The following CTIF variants were observed in gnomAD, a reference collection of about 807,000 sequenced individuals.
The protein encoded by CTIF is cap binding complex dependent translation initiation factor.
Under a neutral mutation model 66.0 loss-of-function variants are expected in CTIF, and 21 were observed. The ratio of observed to expected loss-of-function variants is 0.32; its 90% confidence interval spans 0.23 to 0.46. CTIF has a LOEUF of 0.46. CTIF is among the 20% of genes least tolerant of loss of function. The pLI, the probability that CTIF is intolerant of heterozygous loss-of-function variation, is 1.00. For missense variants in CTIF, 739 were observed against 812.7 expected, an observed-to-expected ratio of 0.91 and a Z score of 1.10; for synonymous variants, 345 against 326.4, an observed-to-expected ratio of 1.06 and a Z score of -0.62.
rs533339913 is a variant in CTIF, at chr18:48,641,888, G to C, written c.252+5203G>C. Among the ~76,000 whole-genome samples, 5 of 152,316 alleles carry C rather than the reference G, an allele frequency of 3.3e-5. No homozygotes were observed. The East Asian group carries it at 7.7e-4, about 23-fold the overall frequency. On this transcript the variant is annotated intron_variant, in intron 3 of 11. Transcript: ENST00000256413. ...CACCAACATTGACTCCGACCCAGGG[G>C]ATAACAGATGGTAGGTGGAGGAGAC...
At chr18:48,603,487 GTGGGTGGGTGGGTGGA>G (rs1365778080) in intron 1 of CTIF, among the ~76,000 whole-genome samples, 2 of 86,528 alleles carry the variant, frequency 2.3e-5, no homozygotes, top group African/African-American at 1.1e-4. Flanking sequence ...GGGTGGGTGG[GTGGGTGGGTGGGTGGA>G]TGGATGGATG....
At chr18:48,800,584 A>T (rs919735772) in intron 9 of CTIF, among the ~76,000 whole-genome samples, 8 of 152,042 alleles carry the variant, frequency 5.3e-5, no homozygotes, top group Non-Finnish European at 1.2e-4. Flanking sequence ...ACCCCATAAC[A>T]CCTGGCATGG....
chr18:48,727,233 A>G (rs1382987733), intron 7 of CTIF, among the ~76,000 whole-genome samples: 2 of 152,132 alleles, frequency 1.3e-5, no homozygotes, highest in African/African-American at 4.8e-5. Context: ...AGCCAGGCAG[A>G]TATTGGAAGT....
At chr18:48,636,547 C>T (rs1029614531) in intron 2 of CTIF, 67 bp from the exon 3 acceptor site, 77 of 1,219,590 alleles carry the variant, frequency 6.3e-5, no homozygotes, top group Non-Finnish European at 7.6e-5. Context: ...ACAACTCCTG[C>T]AGCCTGGCAG....
chr18:48,650,696 A>C (rs2091139728), intron 3 of CTIF, among the ~76,000 whole-genome samples: 1 of 152,236 alleles, frequency 6.6e-6, no homozygotes, highest in Non-Finnish European at 1.5e-5. Flanking sequence ...GTTGAAACGA[A>C]GGAAAAAATG....
intron 9 of CTIF, among the ~76,000 whole-genome samples, chr18:48,767,674 C>T (rs1283530477): frequency 6.6e-6 from 1 of 152,058 alleles, no homozygotes; most frequent in Non-Finnish European, 1.5e-5. Context: ...TGTGAAAAGA[C>T]AACACAAAAT....
At chr18:48,559,254 T>C (rs2089095090) in intron 1 of CTIF, among the ~76,000 whole-genome samples, 1 of 152,150 alleles carries the variant, frequency 6.6e-6, no homozygotes, top group Non-Finnish European at 1.5e-5. Flanking sequence ...TGGCCCTACC[T>C]TCAGACCATC....
At chr18:48,653,046 G>A (rs1424727903) in intron 3 of CTIF, among the ~76,000 whole-genome samples, 1 of 152,156 alleles carries the variant, frequency 6.6e-6, no homozygotes, top group Non-Finnish European at 1.5e-5. Context: ...AAAACTGGAA[G>A]CATTCCCTTT....
intron 1 of CTIF, among the ~76,000 whole-genome samples, chr18:48,560,561 A>T (rs1302061512): frequency 1.3e-5 from 2 of 151,242 alleles, no homozygotes; most frequent in African/African-American, 4.9e-5. Context: ...GGTCTCACAA[A>T]AAGGAATATC....
intron 1 of CTIF, among the ~76,000 whole-genome samples, chr18:48,568,704 G>T (rs1237884052): frequency 7.0e-6 from 1 of 143,236 alleles, no homozygotes; most frequent in African/African-American, 2.5e-5. Context: ...CATGTCTGGG[G>T]AGGCCTCACA....
chr18:48,704,337 A>G (rs1189114362), intron 6 of CTIF, among the ~76,000 whole-genome samples: 5 of 152,176 alleles, frequency 3.3e-5, no homozygotes, highest in African/African-American at 1.2e-4. Flanking sequence ...ATACAGTGGA[A>G]TTACCTGGTG....
intron 3 of CTIF, among the ~76,000 whole-genome samples, chr18:48,652,301 T>C (rs1334155780): frequency 6.6e-6 from 1 of 152,144 alleles, no homozygotes; most frequent in Non-Finnish European, 1.5e-5. Flanking sequence ...ATAAAGGGGA[T>C]ATCACCACTG....
At position 48,560,521 on chromosome 18, in the gene CTIF, G is replaced by A. The variant is rs183676137; in HGVS notation, c.-29+21209G>A. Reference sequence around the variant, plus strand: ...ATTACAGGCGTGAGCCACCACGCCCGGCTTGGAGGCTGTTTTAACCATAAC... The same window carrying A: ...ATTACAGGCGTGAGCCACCACGCCCAGCTTGGAGGCTGTTTTAACCATAAC... On this transcript the variant is annotated intron_variant, in intron 1 of 11. Transcript: ENST00000256413. Among the ~76,000 whole-genome samples the A allele has an allele frequency of 4.6e-3, 700 of 151,616 alleles. 5 individuals carry two copies. The highest frequency in any genetic ancestry group is 8.1e-3 in the Non-Finnish European group (550 of 67,904).
rs1348106543 is a variant in CTIF, at chr18:48,861,930, G to T, written c.*2371G>T. ...CACGGTGGCTCCAGACATACTGTTT[G>T]CCTAGTTTATTCCACTGCTTGAAAG... is the stretch of plus-strand genomic sequence containing the variant. On this transcript the variant is annotated 3_prime_UTR_variant, in exon 12 of 12. Coordinates refer to ENST00000256413, the MANE Select transcript of CTIF (RefSeq NM_014772.3). 2.0e-5 allele frequency: 3 copies of T among 152,118 alleles called. No individual in the cohort carries two copies. Among genetic ancestry groups the T allele is most frequent in the Non-Finnish European group, 4.4e-5 (3 of 68,020 alleles). 9.4% of individuals were successfully genotyped at this position (152,118 alleles called of 1,614,324 possible).
At chr18:48,786,935 A>G (rs1599042058) in intron 9 of CTIF, among the ~76,000 whole-genome samples, 1 of 149,812 alleles carries the variant, frequency 6.7e-6, no homozygotes, top group East Asian at 2.0e-4. Flanking sequence ...GGAGCTCCTC[A>G]CCCCACCATG....
chr18:48,547,996 T>C (rs2088794701), intron 1 of CTIF, among the ~76,000 whole-genome samples: 1 of 152,198 alleles, frequency 6.6e-6, no homozygotes, highest in Admixed American at 6.5e-5. Flanking sequence ...TGGAATTTAT[T>C]GAGTGCAGGG....
intron 3 of CTIF, among the ~76,000 whole-genome samples, chr18:48,637,690 G>A (rs2090849185): frequency 6.6e-6 from 1 of 152,200 alleles, no homozygotes; most frequent in Non-Finnish European, 1.5e-5. Flanking sequence ...TTAGGCTGTA[G>A]GGCGTGGCTG....
chr18:48,607,301 T>C (rs908666471), intron 1 of CTIF, among the ~76,000 whole-genome samples: 1 of 152,146 alleles, frequency 6.6e-6, no homozygotes, highest in Non-Finnish European at 1.5e-5. Flanking sequence ...GGGCACCGGA[T>C]CAAGTCTGAG....
intron 2 of CTIF, among the ~76,000 whole-genome samples, chr18:48,626,692 G>A: frequency 9.9e-6 from 1 of 100,514 alleles, no homozygotes; most frequent in Admixed American, 1.2e-4. Context: ...TTTTGCTCTT[G>A]TTGTCGAGGC....
Sources: allele counts gnomAD v4.1 joint callset (sites outside exome capture counted in the v4.1 genomes callset), GRCh38; gene constraint gnomAD v4.1.1; transcripts MANE v1.5; gene names NCBI Gene and HGNC (gene_info 2026-07-23, HGNC 2026-07-21).